Variants in SLC35F3 observed in about 807,000 individuals in gnomAD.
The protein encoded by SLC35F3 is putative thiamine transporter SLC35F3.
In SLC35F3, 25 loss-of-function variants were observed where a neutral mutation model predicts 49.9. The observed-to-expected ratio is 0.50, with a 90% confidence interval of 0.37 to 0.70. SLC35F3 has a LOEUF of 0.70. Among genes scored for constraint, SLC35F3 ranks in the 30% least tolerant of loss-of-function variants. The pLI is 0.00. For synonymous variants in SLC35F3, 275 were observed against 265.4 expected (o/e 1.04, Z -0.35); for missense variants, 525 against 639.8 (o/e 0.82, Z 1.94).
At chr1:233,936,672 C>T (rs1305130929) in intron 2 of SLC35F3, among the ~76,000 whole-genome samples, 1 of 151,736 alleles carries the variant, frequency 6.6e-6, no homozygotes, top group Non-Finnish European at 1.5e-5. Context: ...TCCCCTTCTT[C>T]TTTTTCTCCA....
At chr1:234,073,086 T>C (rs1186369314) in intron 2 of SLC35F3, among the ~76,000 whole-genome samples, 4 of 152,210 alleles carry the variant, frequency 2.6e-5, no homozygotes, top group Non-Finnish European at 5.9e-5. Flanking sequence ...TGGATGTGTC[T>C]GTACCTTTCC....
chr1:233,915,266 A>G (rs1453251551), intron 2 of SLC35F3, among the ~76,000 whole-genome samples: 1 of 152,358 alleles, frequency 6.6e-6, no homozygotes, highest in Non-Finnish European at 1.5e-5. Flanking sequence ...ATTCAGGTCT[A>G]TCCTCAAAGT....
chr1:234,232,534 A>AAAAAG (rs1553317268), intron 3 of SLC35F3, among the ~76,000 whole-genome samples: 2 of 150,984 alleles, frequency 1.3e-5, no homozygotes, highest in Admixed American at 6.6e-5. Flanking sequence ...AAAAAAAAAA[A>AAAAAG]AAAAAAGAAA....
chr1:234,275,838 G>A lies in SLC35F3; in HGVS notation c.609-33263G>A, dbSNP rs1016094189. 7.9e-5 allele frequency among the ~76,000 whole-genome samples: 12 copies of A among 151,512 alleles called. No homozygotes were observed. The South Asian group carries it at 2.5e-3, about 31-fold the overall frequency. On this transcript the variant is annotated intron_variant, in intron 3 of 7. Transcript: ENST00000366618. Reference sequence around the variant, plus strand: ...GCTAACATTTGTTTAGTATTAATATGTGCCAGGTACTATTCTAAGCACTGT... The same window carrying A: ...GCTAACATTTGTTTAGTATTAATATATGCCAGGTACTATTCTAAGCACTGT...
intron 2 of SLC35F3, among the ~76,000 whole-genome samples, chr1:234,107,648 T>G (rs60527106): frequency 2.2e-5 from 1 of 46,232 alleles, no homozygotes; most frequent in Non-Finnish European, 4.6e-5. Context: ...CTCCTGGCTC[T>G]ATTTACCCAG....
At chr1:233,931,843 C>T (rs528274389) in intron 2 of SLC35F3, among the ~76,000 whole-genome samples, 1 of 152,138 alleles carries the variant, frequency 6.6e-6, no homozygotes, top group Non-Finnish European at 1.5e-5. Flanking sequence ...CACATGTACA[C>T]GTATGTTTAT....
chr1:234,046,123 A>G lies in SLC35F3; in HGVS notation c.283+140365A>G, dbSNP rs964561345. ...TTTGTATAGGTTTCTTTGTGCATGT[A>G]TAACAGAGTTTCTCCAGAGTGTGTA... On this transcript the variant is annotated intron_variant, in intron 2 of 7. Coordinates refer to ENST00000366618, the MANE Select transcript of SLC35F3 (RefSeq NM_173508.4). The surrounding 1 kb of genome is among the most constrained non-coding windows in gnomAD (Gnocchi z 4.4). 6.6e-6 allele frequency among the ~76,000 whole-genome samples: 1 copy of G among 152,158 alleles called. No individual in the cohort carries two copies. The highest frequency in any genetic ancestry group is 2.4e-5 in the African/African-American group (1 of 41,446).
chr1:234,228,632 TAAATG>T (rs1667322605), intron 2 of SLC35F3, among the ~76,000 whole-genome samples: 1 of 152,176 alleles, frequency 6.6e-6, no homozygotes, highest in African/African-American at 2.4e-5. Flanking sequence ...TTAGGTTAAA[TAAATG>T]AAAGATAAAA....
intron 2 of SLC35F3, among the ~76,000 whole-genome samples, chr1:234,207,400 TCCC>T (rs373049967): frequency 7.2e-6 from 1 of 139,194 alleles, no homozygotes; most frequent in Non-Finnish European, 1.6e-5. Flanking sequence ...CCTTCCTTCC[TCCC>T]TCCCTCCTTC....
chr1:234,247,456 T>A (rs1667652458), intron 3 of SLC35F3, among the ~76,000 whole-genome samples: 1 of 151,776 alleles, frequency 6.6e-6, no homozygotes, highest in African/African-American at 2.4e-5. Flanking sequence ...GGTGGGTTGG[T>A]TGGTTGGTTG....
chr1:234,319,610 G>A (rs990057566), intron 6 of SLC35F3, among the ~76,000 whole-genome samples: 3 of 152,162 alleles, frequency 2.0e-5, no homozygotes, highest in African/African-American at 7.2e-5. Context: ...GCTGAAGTGG[G>A]AGGATCACTT....
intron 3 of SLC35F3, among the ~76,000 whole-genome samples, chr1:234,246,877 T>C (rs928660827): frequency 1.3e-5 from 2 of 152,208 alleles, no homozygotes; most frequent in African/African-American, 4.8e-5. Flanking sequence ...CCCTGTCGGC[T>C]GCTGTATGTG....
chr1:234,274,621 A>G (rs1006862179), intron 3 of SLC35F3, among the ~76,000 whole-genome samples: 6 of 152,254 alleles, frequency 3.9e-5, no homozygotes, highest in African/African-American at 1.4e-4. Flanking sequence ...TGCTGACAGT[A>G]GGATAATGCA....
intron 2 of SLC35F3, among the ~76,000 whole-genome samples, chr1:233,927,637 A>G (rs1213506759): frequency 5.3e-5 from 8 of 152,140 alleles, no homozygotes; most frequent in Non-Finnish European, 8.8e-5. Context: ...CCCAATTCAG[A>G]AGACATTTTT....
Position 234,124,704 on chromosome 1 carries a change from G to A in SLC35F3, c.284-106713G>A, listed in dbSNP as rs575151345. Among the ~76,000 whole-genome samples, 54 of 152,040 alleles carry A rather than the reference G, an allele frequency of 3.6e-4. 2 individuals are homozygous for A. In the South Asian group the frequency reaches 6.4e-3, roughly 18 times the overall value. The stretch of plus-strand genomic sequence containing the variant: ...CAACATAGCAAGACCCCATCTCTAC[G>A]AAAAAATTAAAAAATTATCCGAGCA... On this transcript the variant is annotated intron_variant, in intron 2 of 7. Transcript: ENST00000366618.
At chr1:234,274,527 G>A (rs1365292281) in intron 3 of SLC35F3, 1 of 152,198 alleles carries the variant, frequency 6.6e-6, no homozygotes, top group Admixed American at 6.5e-5. Context: ...ATTGTCAAGT[G>A]GGATCCCTGG....
At chr1:234,281,659 G>T (rs1167680703) in intron 3 of SLC35F3, among the ~76,000 whole-genome samples, 3 of 152,234 alleles carry the variant, frequency 2.0e-5, no homozygotes, top group Non-Finnish European at 4.4e-5. Context: ...TGCAAACAAA[G>T]TAGGCAGCTC....
At chr1:234,215,391 A>G (rs573563580) in intron 2 of SLC35F3, among the ~76,000 whole-genome samples, 48 of 152,284 alleles carry the variant, frequency 3.2e-4, no homozygotes, top group African/African-American at 1.1e-3. Flanking sequence ...GAAGGGGGGC[A>G]GAGGGCCAGT....
chr1:233,905,821 G>T, intron 2 of SLC35F3, 63 bp downstream of exon 2: 1 of 1,452,866 alleles, frequency 6.9e-7, no homozygotes, highest in Non-Finnish European at 9.4e-7. Flanking sequence ...TGTCACAGCA[G>T]CCTCGGGGAG....
Sources: gnomAD v4.1 joint callset for allele counts (sites outside exome capture counted in the v4.1 genomes callset) on GRCh38, gnomAD v4.1.1 for gene constraint, Gnocchi (gnomAD v3.1) non-coding constraint, MANE v1.5 for transcripts, NCBI Gene and HGNC (gene_info 2026-07-23, HGNC 2026-07-21) for gene names.